RASAL2: variants seen among roughly 807,000 people sequenced by gnomAD.
RASAL2 encodes RAS protein activator like 2, also known as ras GTPase-activating protein nGAP.
Under a neutral mutation model 128.9 loss-of-function variants are expected in RASAL2, and 58 were observed. That is an observed-to-expected ratio of 0.45 (90% confidence interval 0.36 to 0.56). The LOEUF (loss-of-function observed/expected upper bound fraction) is 0.56, where lower values mean the gene tolerates loss of function less well. RASAL2 is among the 20% of genes least tolerant of loss of function. The pLI is 0.00. For missense variants in RASAL2, 1,360 were observed against 1,601.6 expected, an observed-to-expected ratio of 0.85 and a Z score of 2.57; for synonymous variants, 561 against 580.8, an observed-to-expected ratio of 0.97 and a Z score of 0.49.
chr1:178,364,061 A>C (rs1206617284), intron 3 of RASAL2, among the ~76,000 whole-genome samples: 1 of 150,468 alleles, frequency 6.6e-6, no homozygotes. Flanking sequence ...GCGCCACTGC[A>C]CTCCAGCCTG....
intron 3 of RASAL2, among the ~76,000 whole-genome samples, chr1:178,313,155 T>G (rs558703109): frequency 1.6e-3 from 241 of 152,294 alleles, no homozygotes; most frequent in Admixed American, 3.7e-3. Flanking sequence ...ATAGTCATAA[T>G]ATTGTTTGCC....
chr1:178,393,563 C>T (rs1432112157), intron 4 of RASAL2, among the ~76,000 whole-genome samples: 2 of 152,232 alleles, frequency 1.3e-5, no homozygotes, highest in Non-Finnish European at 2.9e-5. Context: ...TGCTCACCTC[C>T]TGCTGTGCCG....
chr1:178,282,967 G>T (rs1280647771), intron 1 of RASAL2, among the ~76,000 whole-genome samples: 1 of 151,896 alleles, frequency 6.6e-6, no homozygotes, highest in East Asian at 1.9e-4. Flanking sequence ...TTTAATATCG[G>T]GTACCTCCAC....
chr1:178,361,331 G>C (rs186888607), intron 3 of RASAL2, among the ~76,000 whole-genome samples: 1 of 151,708 alleles, frequency 6.6e-6, no homozygotes, highest in African/African-American at 2.4e-5. Flanking sequence ...ATACAGTGTT[G>C]TAACAATCCA....
intron 1 of RASAL2, among the ~76,000 whole-genome samples, chr1:178,206,523 A>G (rs1558114554): frequency 6.6e-6 from 1 of 152,216 alleles, no homozygotes; most frequent in Non-Finnish European, 1.5e-5. Flanking sequence ...ATATAGTTGC[A>G]TGGCTAATAA....
chr1:178,433,444 G>A lies in RASAL2; in HGVS notation c.675-5978G>A, dbSNP rs75826326. Among the ~76,000 whole-genome samples, 15 of 152,158 alleles carry A rather than the reference G, an allele frequency of 9.9e-5. 1 individual carries two copies. The East Asian group carries it at 1.9e-3, about 20-fold the overall frequency. On this transcript the variant is annotated intron_variant, in intron 5 of 17. Transcript: ENST00000367649. The stretch of plus-strand genomic sequence containing the variant: ...TAAATTGTGTGTGAGTACACAGACC[G>A]TGCTTTTCTTCTTCACCTTTGTATT...
intron 3 of RASAL2, among the ~76,000 whole-genome samples, chr1:178,361,769 A>G (rs1671120232): frequency 6.6e-6 from 1 of 151,932 alleles, no homozygotes; most frequent in Non-Finnish European, 1.5e-5. Context: ...TATTTCTATT[A>G]TTATTACATT....
intron 5 of RASAL2, among the ~76,000 whole-genome samples, chr1:178,437,706 C>A (rs2102822909): frequency 6.6e-6 from 1 of 152,116 alleles, no homozygotes; most frequent in South Asian, 2.1e-4. Flanking sequence ...TGTCCAGTTT[C>A]CTTAATCAGG....
chr1:178,423,824 T>G (rs1282089845), intron 5 of RASAL2, among the ~76,000 whole-genome samples: 1 of 152,222 alleles, frequency 6.6e-6, no homozygotes, highest in Non-Finnish European at 1.5e-5. Context: ...TGCCCATTTT[T>G]CTATTGAGTT....
intron 3 of RASAL2, among the ~76,000 whole-genome samples, chr1:178,337,017 A>C (rs1338496496): frequency 1.3e-5 from 2 of 152,070 alleles, no homozygotes; most frequent in Non-Finnish European, 2.9e-5. Context: ...ACTCAATATC[A>C]GGGGACTGAT....
At chr1:178,134,205 G>A (rs1482478471) in intron 1 of RASAL2, among the ~76,000 whole-genome samples, 2 of 152,122 alleles carry the variant, frequency 1.3e-5, no homozygotes, top group African/African-American at 2.4e-5. Flanking sequence ...AGGCCTCTTT[G>A]GGGTGGGAGG....
chr1:178,454,735 C>A, intron 12 of RASAL2, 87 bp downstream of exon 12: 2 of 1,172,648 alleles, frequency 1.7e-6, no homozygotes, highest in South Asian at 1.4e-5. Context: ...ACTCTTTCTG[C>A]TAATTGAAAG....
chr1:178,190,632 A>G (rs1370692982), intron 1 of RASAL2, among the ~76,000 whole-genome samples: 3 of 152,162 alleles, frequency 2.0e-5, no homozygotes, highest in Non-Finnish European at 2.9e-5. Flanking sequence ...CCGTGATCTA[A>G]TGATTTTTGT....
chr1:178,363,646 A>G (rs1671240999), intron 3 of RASAL2, among the ~76,000 whole-genome samples: 1 of 152,236 alleles, frequency 6.6e-6, no homozygotes, highest in Non-Finnish European at 1.5e-5. Flanking sequence ...TACCCTGTTC[A>G]GATATGGAAA....
chr1:178,403,772 A>G (rs576217516), intron 4 of RASAL2, among the ~76,000 whole-genome samples: 4 of 152,316 alleles, frequency 2.6e-5, no homozygotes, highest in African/African-American at 7.2e-5. Context: ...AAAACTTTCT[A>G]TGATGGTTAC....
chr1:178,358,488 C>T (rs1249004448), intron 3 of RASAL2, among the ~76,000 whole-genome samples: 1 of 152,006 alleles, frequency 6.6e-6, no homozygotes, highest in Non-Finnish European at 1.5e-5. Context: ...GCATGACCAA[C>T]TCAATAGAAA....
At chr1:178,330,827 T>C (rs79706452) in intron 3 of RASAL2, among the ~76,000 whole-genome samples, 3,855 of 152,306 alleles carry the variant, frequency 0.025, 80 homozygotes, top group South Asian at 0.057. Flanking sequence ...TTATGGAATT[T>C]CTATACAATA....
chr1:178,470,792 A>T lies in RASAL2; in HGVS notation c.3679-2283A>T. On this transcript the variant is annotated intron_variant, in intron 17 of 17. Coordinates refer to ENST00000367649, the MANE Select transcript of RASAL2 (RefSeq NM_170692.4). ...CCCTGGCCCAGTGCACTGGCCTCCTACACATTCCAGCTCCTGCCACTCCCC... is the reference window on the plus strand; with the variant it reads ...CCCTGGCCCAGTGCACTGGCCTCCTTCACATTCCAGCTCCTGCCACTCCCC... 2.4e-6 allele frequency: 3 copies of T among 1,235,010 alleles called. No individual in the cohort carries two copies. In the South Asian group the frequency reaches 3.7e-5, roughly 15 times the overall value. 76.5% of individuals were successfully genotyped at this position (1,235,010 alleles called of 1,614,324 possible). A position where few individuals can be genotyped will look rare whatever the true frequency, so the allele number is the denominator to read the frequency against.
chr1:178,424,257 T>G (rs1017425146), intron 5 of RASAL2, among the ~76,000 whole-genome samples: 1 of 152,032 alleles, frequency 6.6e-6, no homozygotes, highest in African/African-American at 2.4e-5. Context: ...TTGTTTGTTT[T>G]TTGGATACGG....
Sources: allele counts gnomAD v4.1 joint callset (sites outside exome capture counted in the v4.1 genomes callset), GRCh38; gene constraint gnomAD v4.1.1; transcripts MANE v1.5; gene names NCBI Gene and HGNC (gene_info 2026-07-23, HGNC 2026-07-21).